Variants in IGF2BP2 observed in about 807,000 individuals in gnomAD.
IGF2BP2 encodes the protein insulin-like growth factor 2 mRNA-binding protein 2.
A neutral mutation model predicts 75.8 loss-of-function variants in IGF2BP2; 17 were observed. The ratio of observed to expected loss-of-function variants is 0.22; its 90% CI spans 0.15 to 0.34. The LOEUF is 0.34. Ranked by LOEUF, IGF2BP2 falls within the 10% of genes least tolerant of loss-of-function variation. IGF2BP2 has a pLI of 1.00. For missense variants in IGF2BP2, 516 were observed against 772.4 expected (o/e 0.67, Z 3.93); for synonymous variants, 288 against 295.6 (o/e 0.97, Z 0.26).
intron 2 of IGF2BP2, among the ~76,000 whole-genome samples, chr3:185,796,389 C>T (rs1016071598): frequency 6.6e-6 from 1 of 151,566 alleles, no homozygotes; most frequent in Admixed American, 6.6e-5. Flanking sequence ...ATGGTGAAAC[C>T]CTGTCTCCAC....
At chr3:185,769,485 G>A (rs750338016) in intron 2 of IGF2BP2, among the ~76,000 whole-genome samples, 5 of 151,986 alleles carry the variant, frequency 3.3e-5, no homozygotes, top group Admixed American at 1.3e-4. Flanking sequence ...TCAGCTCAAA[G>A]GCCACTCTTC....
At chr3:185,797,950 T>G (rs556694522) in intron 2 of IGF2BP2, among the ~76,000 whole-genome samples, 124 of 136,320 alleles carry the variant, frequency 9.1e-4, no homozygotes, top group African/African-American at 3.1e-3. Flanking sequence ...GCCTGTAATC[T>G]CAACACTTTG....
chr3:185,816,203 G>A (rs1232063388), intron 2 of IGF2BP2, among the ~76,000 whole-genome samples: 1 of 152,112 alleles, frequency 6.6e-6, no homozygotes, highest in Non-Finnish European at 1.5e-5. Context: ...TAATCTGTGT[G>A]GCTCAGATGT....
chr3:185,671,962 G>A (rs1718577047), intron 10 of IGF2BP2, among the ~76,000 whole-genome samples: 1 of 152,180 alleles, frequency 6.6e-6, no homozygotes, highest in South Asian at 2.1e-4. Context: ...AAAGCAATAA[G>A]TAAAACACTC....
chr3:185,796,291 G>A (rs1228894252), intron 2 of IGF2BP2, among the ~76,000 whole-genome samples: 4 of 152,028 alleles, frequency 2.6e-5, no homozygotes, highest in African/African-American at 7.2e-5. Flanking sequence ...GGCGGGGCAT[G>A]GTGGCTCACG....
chr3:185,761,903 G>A (rs564088838), intron 2 of IGF2BP2, among the ~76,000 whole-genome samples: 7 of 152,318 alleles, frequency 4.6e-5, no homozygotes, highest in East Asian at 3.9e-4. Context: ...AGTGAAAAAC[G>A]TGTTATTCTA....
At chr3:185,733,079 C>A (rs1348599413) in intron 2 of IGF2BP2, among the ~76,000 whole-genome samples, 1 of 152,114 alleles carries the variant, frequency 6.6e-6, no homozygotes, top group Non-Finnish European at 1.5e-5. Context: ...GGGGAGGATA[C>A]AATAAAGCTG....
At chr3:185,805,840 C>T (rs1348647759) in intron 2 of IGF2BP2, among the ~76,000 whole-genome samples, 1 of 149,766 alleles carries the variant, frequency 6.7e-6, no homozygotes, top group Non-Finnish European at 1.5e-5. Context: ...GGCGTGATCT[C>T]GGCTCACTGC....
At chr3:185,803,482 G>C (rs1201038154) in intron 2 of IGF2BP2, among the ~76,000 whole-genome samples, 4 of 152,194 alleles carry the variant, frequency 2.6e-5, no homozygotes, top group South Asian at 4.1e-4. Flanking sequence ...TAAGTATTCT[G>C]ATCAAAGTTA....
chr3:185,687,822 T>C (rs1480533645), intron 6 of IGF2BP2, among the ~76,000 whole-genome samples: 1 of 152,230 alleles, frequency 6.6e-6, no homozygotes, highest in Non-Finnish European at 1.5e-5. Context: ...ACTGATTATA[T>C]CCTTTTTACT....
At chr3:185,754,652 T>C (rs546651996) in intron 2 of IGF2BP2, among the ~76,000 whole-genome samples, 13 of 152,100 alleles carry the variant, frequency 8.5e-5, no homozygotes, top group Admixed American at 8.5e-4. Context: ...GATAGAGATA[T>C]GGACAGTGAA....
chr3:185,660,649 TC>T (rs1716286785), intron 10 of IGF2BP2, among the ~76,000 whole-genome samples: 1 of 152,144 alleles, frequency 6.6e-6, no homozygotes, highest in Non-Finnish European at 1.5e-5. Flanking sequence ...CTTGGCAAGC[TC>T]AAGTTTTGCA....
intron 2 of IGF2BP2, among the ~76,000 whole-genome samples, chr3:185,720,575 G>A (rs1315948342): frequency 6.6e-6 from 1 of 152,350 alleles, no homozygotes; most frequent in South Asian, 2.1e-4. Flanking sequence ...CACTGGAAAT[G>A]AAGCTTGTTG....
At chr3:185,666,956 T>C (rs1251560560) in intron 10 of IGF2BP2, among the ~76,000 whole-genome samples, 2 of 152,168 alleles carry the variant, frequency 1.3e-5, no homozygotes, top group Admixed American at 6.5e-5. Context: ...TTCCCAAGCA[T>C]AGTAAAAGTT....
chr3:185,657,918 C>G (rs939599093), intron 11 of IGF2BP2, among the ~76,000 whole-genome samples: 1 of 152,140 alleles, frequency 6.6e-6, no homozygotes, highest in Non-Finnish European at 1.5e-5. Context: ...CTCCTGGGAC[C>G]CTGTGACAAA....
chr3:185,676,183 T>C (rs919703549), intron 7 of IGF2BP2, among the ~76,000 whole-genome samples: 1 of 152,036 alleles, frequency 6.6e-6, no homozygotes, highest in Non-Finnish European at 1.5e-5. Context: ...TTACAAGAAC[T>C]CTATTGGGTG....
intron 2 of IGF2BP2, among the ~76,000 whole-genome samples, chr3:185,787,003 C>T (rs1460338151): frequency 6.6e-6 from 1 of 152,176 alleles, no homozygotes; most frequent in African/African-American, 2.4e-5. Context: ...CAAATTACTG[C>T]CCAAATCTGT....
At chr3:185,679,908 C>T (rs1217878217) in intron 7 of IGF2BP2, among the ~76,000 whole-genome samples, 1 of 152,174 alleles carries the variant, frequency 6.6e-6, no homozygotes, top group African/African-American at 2.4e-5. Flanking sequence ...AGCCACTTCA[C>T]CCGGCCCCAT....
chr3:185,814,265 T>C (rs540087194), intron 2 of IGF2BP2, among the ~76,000 whole-genome samples: 100 of 152,328 alleles, frequency 6.6e-4, no homozygotes, highest in Middle Eastern at 3.4e-3. Flanking sequence ...AAACTGCTTT[T>C]ATCATCTACC....
Sources: gnomAD v4.1 joint callset for allele counts (sites outside exome capture counted in the v4.1 genomes callset) on GRCh38, gnomAD v4.1.1 for gene constraint, MANE v1.5 for transcripts, NCBI Gene and HGNC (gene_info 2026-07-23, HGNC 2026-07-21) for gene names.